The following FBXL5 variants were observed in gnomAD, a reference collection of about 807,000 sequenced individuals.
FBXL5 encodes the protein F-box and leucine rich repeat protein 5, also known as F-box/LRR-repeat protein 5.
FBXL5 carries 26 observed loss-of-function variants against 78.3 expected under a neutral mutation model. The observed-to-expected ratio is 0.33, with a 90% CI of 0.24 to 0.46. The LOEUF is 0.46. FBXL5 is among the 20% of genes least tolerant of loss of function. The pLI, the probability that FBXL5 is intolerant of heterozygous loss-of-function variation, is 1.00. For synonymous variants in FBXL5, 295 were observed against 282.5 expected, an observed-to-expected ratio of 1.04 and a Z score of -0.45; for missense variants, 710 against 829.2, an observed-to-expected ratio of 0.86 and a Z score of 1.77.
At chr4:15,674,693 A>T (rs1478258288) in intron 1 of FBXL5, among the ~76,000 whole-genome samples, 1 of 148,694 alleles carries the variant, frequency 6.7e-6, no homozygotes, top group African/African-American at 2.5e-5. Context: ...TCTGTCGCCC[A>T]GGCTGGAGTG....
chr4:15,680,983 C>G (rs1275541404), intron 1 of FBXL5, among the ~76,000 whole-genome samples: 1 of 136,082 alleles, frequency 7.3e-6, no homozygotes, highest in Non-Finnish European at 1.6e-5. Context: ...ATATATATCT[C>G]AACCACAAAA....
chr4:15,628,929 A>T (rs1019391717), intron 6 of FBXL5, among the ~76,000 whole-genome samples: 6 of 152,056 alleles, frequency 3.9e-5, no homozygotes, highest in African/African-American at 9.7e-5. Context: ...TGAAAATTTT[A>T]AATTTTTAAT....
At chr4:15,626,005 G>GA (rs1197888520) in intron 8 of FBXL5, 28 bp from the exon 9 acceptor site, 5 of 1,517,096 alleles carry the variant, frequency 3.3e-6, no homozygotes, top group Non-Finnish European at 4.4e-6. Context: ...GACTATTAAT[G>GA]AATATTGTTA....
At chr4:15,679,568 A>AC (rs1328616393) in intron 1 of FBXL5, among the ~76,000 whole-genome samples, 1 of 151,564 alleles carries the variant, frequency 6.6e-6, no homozygotes, top group Non-Finnish European at 1.5e-5. Context: ...GGAACAAAAA[A>AC]AAAAAAAAAC....
intron 9 of FBXL5, among the ~76,000 whole-genome samples, chr4:15,615,130 C>T (rs1029563962): frequency 2.0e-5 from 3 of 152,162 alleles, no homozygotes; most frequent in East Asian, 1.9e-4. Context: ...GATTTCTCAC[C>T]GAGCCTTAGC....
At chr4:15,666,014 AC>A (rs1451491817) in intron 1 of FBXL5, among the ~76,000 whole-genome samples, 3 of 139,174 alleles carry the variant, frequency 2.2e-5, no homozygotes, top group African/African-American at 7.9e-5. Flanking sequence ...CCTACTGACA[AC>A]CTTTTTTTAA....
intron 1 of FBXL5, among the ~76,000 whole-genome samples, chr4:15,666,676 A>T (rs1443695527): frequency 6.6e-6 from 1 of 151,338 alleles, no homozygotes; most frequent in African/African-American, 2.4e-5. Flanking sequence ...ACTAAACATC[A>T]AAAAAATTAG....
intron 6 of FBXL5, among the ~76,000 whole-genome samples, chr4:15,629,108 G>A (rs1346116510): frequency 6.6e-6 from 1 of 152,100 alleles, no homozygotes; most frequent in African/African-American, 2.4e-5. Context: ...AAAAAGACAA[G>A]GCAGCCAAAC....
intron 3 of FBXL5, 64 bp downstream of exon 3, chr4:15,640,724 C>G (rs1024329101): frequency 1.1e-5 from 10 of 898,472 alleles, no homozygotes; most frequent in Non-Finnish European, 1.7e-5. Context: ...TGAAGAGTCT[C>G]TAAAGCAAAA....
upstream of FBXL5, among the ~76,000 whole-genome samples, chr4:15,655,583 C>G (rs1010658236): frequency 1.3e-5 from 2 of 152,204 alleles, no homozygotes; most frequent in Non-Finnish European, 1.5e-5. Flanking sequence ...TTCCCTGTTT[C>G]TTTCACTACA....
chr4:15,606,366 T>C (rs1473234251), intron 10 of FBXL5, among the ~76,000 whole-genome samples: 1 of 152,118 alleles, frequency 6.6e-6, no homozygotes, highest in African/African-American at 2.4e-5. Flanking sequence ...AAATTAAATA[T>C]ATAATGAGTG....
chr4:15,657,357 G>C (rs1274211021), upstream of FBXL5, among the ~76,000 whole-genome samples: 1 of 152,120 alleles, frequency 6.6e-6, no homozygotes, highest in African/African-American at 2.4e-5. Context: ...AAAGAATGAG[G>C]GTAGTTCATA....
At chr4:15,634,231 T>A (rs774766712) in intron 5 of FBXL5, among the ~76,000 whole-genome samples, 1 of 152,122 alleles carries the variant, frequency 6.6e-6, no homozygotes, top group Non-Finnish European at 1.5e-5. Context: ...GTCACCCGGA[T>A]TGGAGTACAG....
intron 9 of FBXL5, among the ~76,000 whole-genome samples, chr4:15,623,233 T>C (rs949382230): frequency 6.6e-6 from 1 of 151,992 alleles, no homozygotes; most frequent in Admixed American, 6.6e-5. Flanking sequence ...TCTAAATACT[T>C]TGAAAGCAAA....
intron 7 of FBXL5, among the ~76,000 whole-genome samples, chr4:15,627,505 G>A (rs747757174): frequency 1.3e-5 from 2 of 152,146 alleles, no homozygotes; most frequent in African/African-American, 2.4e-5. Flanking sequence ...AGATTCTGAT[G>A]TAGGAAGTCG....
chr4:15,664,576 A>G (rs1318908357), upstream of FBXL5, among the ~76,000 whole-genome samples: 3 of 35,134 alleles, frequency 8.5e-5, no homozygotes, highest in South Asian at 8.2e-4. Flanking sequence ...TTTTTTTTTG[A>G]GACGGAGTTT....
chr4:15,643,864 ACTT>A (rs1156240324), intron 2 of FBXL5, among the ~76,000 whole-genome samples: 2 of 152,230 alleles, frequency 1.3e-5, no homozygotes, highest in Admixed American at 1.3e-4. Context: ...TATAATTAAA[ACTT>A]CGACTTACAA....
At chr4:15,681,319 G>C (rs1383229441) in intron 1 of FBXL5, 1 of 157,324 alleles carries the variant, frequency 6.4e-6, no homozygotes, top group East Asian at 1.9e-4. Flanking sequence ...CCGCCAGGTC[G>C]GGGCTGGGGC....
intron 9 of FBXL5, among the ~76,000 whole-genome samples, chr4:15,615,604 C>T (rs958873050): frequency 1.4e-5 from 2 of 147,232 alleles, no homozygotes; most frequent in African/African-American, 5.1e-5. Context: ...CCAATCAGCA[C>T]CCTGTGTTTA....
Sources: allele counts gnomAD v4.1 joint callset (sites outside exome capture counted in the v4.1 genomes callset), GRCh38; gene constraint gnomAD v4.1.1; transcripts MANE v1.5; gene names NCBI Gene and HGNC (gene_info 2026-07-23, HGNC 2026-07-21).